The following CAPN9 variants were observed in gnomAD, a reference collection of about 807,000 sequenced individuals.
The protein encoded by CAPN9 is calpain-9.
CAPN9 carries 81 observed loss-of-function variants against 92.8 expected under a neutral mutation model. The observed-to-expected ratio is 0.87, with a 90% CI of 0.73 to 1.05. The LOEUF is 1.05. Among genes scored for constraint, CAPN9 ranks in the 50% least tolerant of loss-of-function variants. The probability of loss-of-function intolerance (pLI) is 0.00; values close to 1 mark genes in which losing one functional copy is unlikely to be tolerated. For missense variants in CAPN9, 848 were observed against 866.2 expected, an observed-to-expected ratio of 0.98 and a Z score of 0.26; for synonymous variants, 304 against 328.0, an observed-to-expected ratio of 0.93 and a Z score of 0.79.
At chr1:230,764,575 G>A (rs1484563850) in intron 4 of CAPN9, among the ~76,000 whole-genome samples, 1 of 152,228 alleles carries the variant, frequency 6.6e-6, no homozygotes, top group Non-Finnish European at 1.5e-5. Context: ...AGAGAAAGGT[G>A]CTGACCTAAG....
chr1:230,794,314 T>C (rs1668196428), intron 17 of CAPN9, among the ~76,000 whole-genome samples: 1 of 151,960 alleles, frequency 6.6e-6, no homozygotes, highest in African/African-American at 2.4e-5. Context: ...AAACCCCGCC[T>C]CTACTAAAAA....
At chr1:230,751,651 G>A (rs1042780578) in intron 1 of CAPN9, among the ~76,000 whole-genome samples, 1 of 100,456 alleles carries the variant, frequency 1.0e-5, no homozygotes, top group Admixed American at 9.0e-5. Flanking sequence ...AAGAAAGAAA[G>A]AAAGAAAGAA....
intron 7 of CAPN9, 133 bp from the exon 8 acceptor site, chr1:230,774,421 T>A: frequency 3.0e-6 from 2 of 664,978 alleles, no homozygotes; most frequent in East Asian, 5.5e-5. Flanking sequence ...CCTGGGTGCA[T>A]TTTTGGGACC....
At position 230,772,632 on chromosome 1, in the gene CAPN9, G is replaced by A. The variant is rs74144832; in HGVS notation, c.875+533G>A. Among the ~76,000 whole-genome samples the A allele has an allele frequency of 4.9e-3, 739 of 152,210 alleles. 4 individuals are homozygous for A. Among genetic ancestry groups the A allele is most frequent in the African/African-American group, 0.016 (679 of 41,520 alleles). ...TGGCTCATGCCTATAATTCCAACACGTCAGCAAGCCGAGGTGGGAGGATCA... is the reference window on the plus strand; with the variant it reads ...TGGCTCATGCCTATAATTCCAACACATCAGCAAGCCGAGGTGGGAGGATCA... On this transcript the variant is annotated intron_variant, in intron 7 of 19. Coordinates refer to ENST00000271971, the MANE Select transcript of CAPN9 (RefSeq NM_006615.3).
intron 4 of CAPN9, among the ~76,000 whole-genome samples, chr1:230,765,948 A>G (rs1348794593): frequency 6.6e-6 from 1 of 152,184 alleles, no homozygotes; most frequent in African/African-American, 2.4e-5. Flanking sequence ...ACACCTGACT[A>G]ACACTACCTT....
Position 230,778,290 on chromosome 1 carries a change from G to A in CAPN9, c.954-683G>A, listed in dbSNP as rs530224551. On this transcript the variant is annotated intron_variant, in intron 8 of 19. Coordinates refer to ENST00000271971, the MANE Select transcript of CAPN9 (RefSeq NM_006615.3). ...CTGTTCATCACCTCCCATACCATCAGCCTGGACCAAGCCACCCTTGTCTCT... is the reference window on the plus strand; with the variant it reads ...CTGTTCATCACCTCCCATACCATCAACCTGGACCAAGCCACCCTTGTCTCT... 3.3e-5 allele frequency among the ~76,000 whole-genome samples: 5 copies of A among 152,218 alleles called. No homozygotes were observed. The East Asian group carries it at 7.7e-4, about 23-fold the overall frequency.
intron 17 of CAPN9, among the ~76,000 whole-genome samples, chr1:230,793,185 A>T (rs1668125556): frequency 6.6e-6 from 1 of 152,246 alleles, no homozygotes; most frequent in Admixed American, 6.5e-5. Context: ...CTAAAAATGA[A>T]CTTGGCCTGC....
At chr1:230,791,999 A>G (rs886417209) in intron 15 of CAPN9, 71 bp downstream of exon 15, 19 of 1,067,144 alleles carry the variant, frequency 1.8e-5, no homozygotes, top group African/African-American at 4.7e-5. Flanking sequence ...GTAATCTTCA[A>G]TAGTGCAGAC....
intron 7 of CAPN9, among the ~76,000 whole-genome samples, chr1:230,772,947 C>T (rs1459465591): frequency 3.9e-5 from 6 of 152,064 alleles, no homozygotes; most frequent in African/African-American, 1.2e-4. Context: ...TGTGTGGGTG[C>T]GTGGCAGGGC....
intron 17 of CAPN9, among the ~76,000 whole-genome samples, chr1:230,794,629 A>G (rs1163689845): frequency 6.6e-6 from 1 of 152,190 alleles, no homozygotes; most frequent in Non-Finnish European, 1.5e-5. Flanking sequence ...CCTCCTGGCT[A>G]TAGCCTGTCA....
In CAPN9 at chr1:230,765,212, GACACACACAC is replaced by G. The variant is rs56286310; in HGVS notation, c.537-2291_537-2282del. 7.9e-3 allele frequency among the ~76,000 whole-genome samples: 1,039 copies of G among 132,140 alleles called. 7 individuals are homozygous for G. Among genetic ancestry groups the G allele is most frequent in the East Asian group, 0.041 (191 of 4,686 alleles). 86.7% of individuals were successfully genotyped at this position (132,140 alleles called of 152,430 possible). A position where few individuals can be genotyped will look rare whatever the true frequency, so the allele number is the denominator to read the frequency against. On this transcript the variant is annotated intron_variant, in intron 4 of 19. Transcript: ENST00000271971. The stretch of plus-strand genomic sequence containing the variant: ...TGCCAGAAAATGAGAACACATGCAA[GACACACACAC>G]ACACACACACACACACACACACACA...
intron 10 of CAPN9, 59 bp downstream of exon 10, chr1:230,780,395 C>T (rs561757783): frequency 6.2e-6 from 10 of 1,600,916 alleles, no homozygotes; most frequent in Admixed American, 5.0e-5. Context: ...ATTCGCGGCT[C>T]CTCCTCGGTC....
Position 230,788,114 on chromosome 1 carries a change from A to C in CAPN9, c.1599+512A>C, listed in dbSNP as rs1433155782. 3.2e-4 allele frequency among the ~76,000 whole-genome samples: 48 copies of C among 152,126 alleles called. 1 individual carries two copies. Among genetic ancestry groups the C allele is most frequent in the Admixed American group, 3.1e-3 (48 of 15,282 alleles). The stretch of plus-strand genomic sequence containing the variant: ...GCAATCCTCTGGCCTCAGCCTCCCA[A>C]AGTGCTGGGATTACAGTCATGAGCT... On this transcript the variant is annotated intron_variant, in intron 13 of 19. Transcript: ENST00000271971.
At chr1:230,772,140 C>T (rs375073347) in intron 7 of CAPN9, 41 bp downstream of exon 7, 113 of 1,538,312 alleles carry the variant, frequency 7.3e-5, no homozygotes, top group Non-Finnish European at 9.2e-5. Context: ...GTTCCCGGGG[C>T]GTGTGGGGCC....
intron 6 of CAPN9, among the ~76,000 whole-genome samples, chr1:230,770,577 G>A (rs1666326301): frequency 6.6e-6 from 1 of 152,102 alleles, no homozygotes; most frequent in Middle Eastern, 3.2e-3. Context: ...TGATCCTGGG[G>A]GACACCCAGA....
chr1:230,756,775 A>C (rs1459814800), intron 2 of CAPN9, among the ~76,000 whole-genome samples: 1 of 152,096 alleles, frequency 6.6e-6, no homozygotes, highest in Non-Finnish European at 1.5e-5. Flanking sequence ...GCCTCTACTA[A>C]AAATTAAAAT....
At chr1:230,751,481 AG>A (rs1468320824) in intron 1 of CAPN9, among the ~76,000 whole-genome samples, 1 of 142,748 alleles carries the variant, frequency 7.0e-6, no homozygotes, top group Non-Finnish European at 1.6e-5. Context: ...AAGGAAGGGA[AG>A]GGAGGAAGGG....
chr1:230,782,434 G>A (rs927799867), intron 11 of CAPN9, among the ~76,000 whole-genome samples: 1 of 152,288 alleles, frequency 6.6e-6, no homozygotes. Flanking sequence ...CTTTGACTTT[G>A]TATCAGTTTT....
chr1:230,757,034 A>C (rs1665273259), intron 2 of CAPN9, among the ~76,000 whole-genome samples: 1 of 115,098 alleles, frequency 8.7e-6, no homozygotes. Context: ...GGAAGGAAGG[A>C]AGGAAGGAAG....
Sources: allele counts gnomAD v4.1 joint callset (sites outside exome capture counted in the v4.1 genomes callset), GRCh38; gene constraint gnomAD v4.1.1; transcripts MANE v1.5; gene names NCBI Gene and HGNC (gene_info 2026-07-23, HGNC 2026-07-21).